CACNA1G: variants seen among roughly 807,000 people sequenced by gnomAD.
CACNA1G encodes the protein voltage-dependent T-type calcium channel subunit alpha-1G.
In CACNA1G, 67 loss-of-function variants were observed where a neutral mutation model predicts 219.4. The ratio of observed to expected loss-of-function variants is 0.31; its 90% CI spans 0.25 to 0.37. CACNA1G has a LOEUF of 0.37. CACNA1G is among the 10% of genes least tolerant of loss of function. CACNA1G has a pLI of 1.00. For missense variants in CACNA1G, 2,380 were observed against 3,231.4 expected, an observed-to-expected ratio of 0.74 and a Z score of 6.39; for synonymous variants, 1,296 against 1,345.3, an observed-to-expected ratio of 0.96 and a Z score of 0.80.
chr17:50,561,291 C>T lies in CACNA1G; in HGVS notation c.-169C>T. On this transcript the variant is annotated 5_prime_UTR_variant, in exon 1 of 38. Transcript: ENST00000359106. ...CCGGCGCCCCGCGGGCAGCATGCCC[C>T]TGCGGGCAGGGGGAGCTGGGCTGAA... 1.4e-6 allele frequency: 1 copy of T among 733,312 alleles called. No individual in the cohort carries two copies. The highest frequency in any genetic ancestry group is 2.1e-6 in the Non-Finnish European group (1 of 472,170). The allele number at this position is 733,312 out of a possible 1,614,324, so 45.4% of individuals were successfully genotyped here. A position where few individuals can be genotyped will look rare whatever the true frequency, so the allele number is the denominator to read the frequency against.
rs986436178 is a variant in CACNA1G at position 50,573,345 on chromosome 17, G to A, written c.1140+232G>A. 6 of 523,182 alleles carry A rather than the reference G, an allele frequency of 1.1e-5. No individual in the cohort carries two copies. In the Admixed American group the frequency reaches 1.9e-4, roughly 17 times the overall value. The allele number at this position is 523,182 out of a possible 1,614,324, so 32.4% of individuals were successfully genotyped here. ...GGACCTTGGGCAAGTCATTCTCCAT[G>A]AGGCCTCCAGCACTGCTCTGGGCCT... On this transcript the variant is annotated intron_variant, in intron 7 of 37. Coordinates refer to ENST00000359106, the MANE Select transcript of CACNA1G (RefSeq NM_018896.5).
In CACNA1G at chr17:50,595,053, T is replaced by A; in HGVS notation, c.2971T>A (p.Ser991Thr). 1 of 1,553,292 alleles carries A rather than the reference T, an allele frequency of 6.4e-7. No individual in the cohort carries two copies. ...AAGCTGTATTCAGCTGCCTGTCGAC[T>A]CCCAGGGGGTAGGTACGCGATCATG... ...QLSCIQLPVD[S>T]QGGDANKSES... The change falls in exon 14 of 38, where the codon TCC becomes ACC. Residue 991 changes from serine (S) to threonine (T), a missense_variant. Physicochemically the swap from Ser to Thr is moderately conservative, Grantham distance 58 (BLOSUM62 1). Around this residue, in one of 17 missense-constraint regions of CACNA1G, gnomAD observed 418 missense variants for 434.3 expected, o/e 0.96. Transcript: ENST00000359106.
In CACNA1G at chr17:50,581,364, A is replaced by G. The variant is rs139128024; in HGVS notation, c.2301+2800A>G. Among the ~76,000 whole-genome samples the G allele has an allele frequency of 3.3e-3, 506 of 151,960 alleles. 3 individuals carry two copies. The highest frequency in any genetic ancestry group is 0.012 in the African/African-American group (486 of 41,422). On this transcript the variant is annotated intron_variant, in intron 9 of 37. Coordinates refer to ENST00000359106, the MANE Select transcript of CACNA1G (RefSeq NM_018896.5). ...TCCCTGCGGTGCCCTTAATGAGGCAATTGTGTCCATTGATCCCGGAATCGA... is the reference window on the plus strand; with the variant it reads ...TCCCTGCGGTGCCCTTAATGAGGCAGTTGTGTCCATTGATCCCGGAATCGA...
chr17:50,590,085 G>A (rs1298054167), intron 9 of CACNA1G, among the ~76,000 whole-genome samples: 1 of 152,174 alleles, frequency 6.6e-6, no homozygotes, highest in Non-Finnish European at 1.5e-5. Context: ...ATCGCCCTCT[G>A]ACATCCGCCA....
Position 50,626,848 on chromosome 17 carries a change from C to A in CACNA1G, c.*97C>A. On this transcript the variant is annotated 3_prime_UTR_variant, in exon 38 of 38. Coordinates refer to ENST00000359106, the MANE Select transcript of CACNA1G (RefSeq NM_018896.5). The surrounding 1 kb of genome is among the most constrained non-coding windows in gnomAD (Gnocchi z 4.3). Reference sequence around the variant, plus strand: ...TCCTGACAAAAGTTCCATATAGACACCAAGGAGGCGGAGGCGCTCCTCCCT... The same window carrying A: ...TCCTGACAAAAGTTCCATATAGACAACAAGGAGGCGGAGGCGCTCCTCCCT... 1 of 1,514,566 alleles carries A rather than the reference C, an allele frequency of 6.6e-7. No homozygotes were observed. 93.8% of individuals were successfully genotyped at this position (1,514,566 alleles called of 1,614,324 possible).
At chr17:50,624,641 G>T (rs1336542111) in intron 37 of CACNA1G, 112 bp downstream of exon 37, 3 of 1,096,490 alleles carry the variant, frequency 2.7e-6, no homozygotes, top group Non-Finnish European at 3.9e-6. Flanking sequence ...GTGTGCCAGT[G>T]ATGTGCCAGG....
intron 35 of CACNA1G, among the ~76,000 whole-genome samples, chr17:50,622,875 G>A (rs1215973922): frequency 6.6e-6 from 1 of 152,130 alleles, no homozygotes; most frequent in African/African-American, 2.4e-5. Context: ...TGGAGGTCAG[G>A]GAGCCAGCTG....
At position 50,599,797 on chromosome 17, in the gene CACNA1G, C is replaced by T. The variant is rs772770633; in HGVS notation, c.3628C>T (p.Arg1210Trp). The T allele has an allele frequency of 2.4e-5, 38 of 1,612,482 alleles. 1 individual carries two copies. Among genetic ancestry groups the T allele is most frequent in the South Asian group, 5.5e-5 (5 of 91,072 alleles). ...CAAGTCGGCTTCAGGGCGCCTGGCC[C>T]GGGCCCTGCGGCCTGATGACCCCCC... The part of the protein sequence containing the change: ...NGKSASGRLA[R>W]ALRPDDPPLD... The change falls in exon 17 of 38, where the codon CGG (arginine) becomes TGG (tryptophan). Residue 1210 changes from arginine (R) to tryptophan (W), a missense_variant. By Grantham distance (101) the Arg-to-Trp change is moderately radical. Around this residue, in one of 17 missense-constraint regions of CACNA1G, gnomAD observed 418 missense variants for 434.3 expected, o/e 0.96. Coordinates refer to ENST00000359106, the MANE Select transcript of CACNA1G (RefSeq NM_018896.5).
At chr17:50,597,675 A>G (rs2045836638) in intron 16 of CACNA1G, among the ~76,000 whole-genome samples, 1 of 152,218 alleles carries the variant, frequency 6.6e-6, no homozygotes, top group Admixed American at 6.5e-5. Flanking sequence ...TTTGAAATAA[A>G]TATGCATTAC....
At chr17:50,619,050 G>A in intron 33 of CACNA1G, 42 bp downstream of exon 33, 1 of 1,441,692 alleles carries the variant, frequency 6.9e-7, no homozygotes. Context: ...AGCTGGGGCA[G>A]GAGAAGGGTG....
At position 50,604,317 on chromosome 17, in the gene CACNA1G, G is replaced by A. The variant is rs2047466095; in HGVS notation, c.4296+36G>A. 6.8e-6 allele frequency: 11 copies of A among 1,606,530 alleles called. No homozygotes were observed. The East Asian group carries it at 1.3e-4, about 20-fold the overall frequency. ...TTCTGGGGGCCAGCTGTGGGTGAAA[G>A]CCTGAAGAGGGCCCTTCCCCTTGGC... On this transcript the variant is annotated intron_variant, in intron 22 of 37. Coordinates refer to ENST00000359106, the MANE Select transcript of CACNA1G (RefSeq NM_018896.5).
At chr17:50,624,955 C>CTTT (rs3986415) in intron 37 of CACNA1G, among the ~76,000 whole-genome samples, 2,849 of 117,380 alleles carry the variant, frequency 0.024, 122 homozygotes, top group African/African-American at 0.064. Context: ...AGCCCAGATT[C>CTTT]TTTTTTTTTT....
At chr17:50,615,585 C>A in intron 27 of CACNA1G, 73 bp downstream of exon 27, 2 of 1,526,872 alleles carry the variant, frequency 1.3e-6, no homozygotes, top group Non-Finnish European at 8.9e-7. Flanking sequence ...GTTAACACAG[C>A]CTGAGCCAGG....
At position 50,576,005 on chromosome 17, in the gene CACNA1G, C is replaced by A; in HGVS notation, c.1603C>A (p.Pro535Thr). ...CAATGGGTCCCGCCGGCTCATGCTG[C>A]CACCACCCTCGACGCCTGCCCTCTC... ...DANGSRRLMLPPPSTPALSGA... is the reference protein window; with the variant it reads ...DANGSRRLMLTPPSTPALSGA... The change falls in exon 8 of 38, where the codon CCA (proline) becomes ACA (threonine). Residue 535 changes from proline (P) to threonine (T), a missense_variant. This residue lies in a region of CACNA1G where 434 missense variants were observed against 417.3 expected (regional missense o/e 1.04). Transcript: ENST00000359106. 3 of 1,557,484 alleles carry A rather than the reference C, an allele frequency of 1.9e-6. No individual in the cohort carries two copies. Among genetic ancestry groups the A allele is most frequent in the Non-Finnish European group, 8.7e-7 (1 of 1,151,210 alleles).
In CACNA1G at chr17:50,600,558, G is replaced by A. The variant is rs1198415307; in HGVS notation, c.3691-168G>A. The stretch of plus-strand genomic sequence containing the variant: ...GGGAGGGGGCCTGGCAAGGTTGACA[G>A]GGAGATGAGGAGGTGGCTTTAGGAA... On this transcript the variant is annotated intron_variant, in intron 17 of 37. Coordinates refer to ENST00000359106, the MANE Select transcript of CACNA1G (RefSeq NM_018896.5). The surrounding 1 kb of genome is among the most constrained non-coding windows in gnomAD (Gnocchi z 4.1). Among the ~76,000 whole-genome samples the A allele has an allele frequency of 6.6e-6, 1 of 152,052 alleles. No individual in the cohort carries two copies. The highest frequency in any genetic ancestry group is 6.5e-5 in the Admixed American group (1 of 15,278).
intron 9 of CACNA1G, among the ~76,000 whole-genome samples, chr17:50,582,002 C>T (rs534922466): frequency 7.2e-5 from 11 of 152,352 alleles, no homozygotes; most frequent in African/African-American, 2.2e-4. Context: ...GCTACCAACA[C>T]GATTCCACCG....
At chr17:50,602,333 G>C (rs1016752251) in intron 19 of CACNA1G, among the ~76,000 whole-genome samples, 20 of 152,310 alleles carry the variant, frequency 1.3e-4, no homozygotes, top group Admixed American at 3.3e-4. Context: ...CTTCCTCCCT[G>C]CCCTGCCCCA....
At chr17:50,595,254 C>T (rs1030322551) in intron 14 of CACNA1G, among the ~76,000 whole-genome samples, 193 bp downstream of exon 14, 2 of 152,220 alleles carry the variant, frequency 1.3e-5, no homozygotes, top group Non-Finnish European at 2.9e-5. Flanking sequence ...AAGGGAGGCA[C>T]CTCCTTGCCT....
At chr17:50,576,980 A>G (rs1347084716) in intron 8 of CACNA1G, among the ~76,000 whole-genome samples, 1 of 152,204 alleles carries the variant, frequency 6.6e-6, no homozygotes, top group African/African-American at 2.4e-5. Flanking sequence ...GGCTCTCCCC[A>G]GCAGACAGGT....
Sources: allele counts gnomAD v4.1 joint callset (sites outside exome capture counted in the v4.1 genomes callset), GRCh38; gene constraint gnomAD v4.1.1; regional missense constraint gnomAD v4.1.1; non-coding constraint Gnocchi (gnomAD v3.1); transcripts MANE v1.5; gene names NCBI Gene and HGNC (gene_info 2026-07-23, HGNC 2026-07-21).